The following TMEM271 variants were observed in gnomAD, a reference collection of about 807,000 sequenced individuals.
TMEM271 encodes the protein transmembrane protein 271.
chr4:574,911 G>A lies in TMEM271; in HGVS notation c.1152C>T (p.Ala384=), dbSNP rs1197064179. The A allele has an allele frequency of 2.5e-6, 1 of 396,528 alleles. No individual in the cohort carries two copies. The highest frequency in any genetic ancestry group is 4.5e-6 in the Non-Finnish European group (1 of 224,714). 24.6% of individuals were successfully genotyped at this position (396,528 alleles called of 1,614,324 possible). Reference sequence around the variant, plus strand: ...GGGGGTCCGGCCCGCGGGATCAGCAGGCCCGATGGGTCTCCCAGGGCCGCG... The same window carrying A: ...GGGGGTCCGGCCCGCGGGATCAGCAAGCCCGATGGGTCTCCCAGGGCCGCG... ...ETPRPWETHR[A]C The change falls in exon 1 of 1, where the codon GCC becomes GCT. Residue 384 remains alanine (A), a synonymous_variant. Transcript: ENST00000610212.
At position 575,289 on chromosome 4, in the gene TMEM271, G is replaced by T. The variant is rs1163483942; in HGVS notation, c.774C>A (p.Gly258=). Residue 258 remains glycine (G), a synonymous_variant, in exon 1 of 1, where the codon GGC becomes GGA. Transcript: ENST00000610212. The part of the protein sequence containing the change: ...RRGRRGRRRG[G]RALARPRGGS... ...CGCCGCGGGGCCGCGCCAGGGCCCG[G>T]CCTCCCCTCCGCCTGCCGCGCCGAC... 2.1e-5 allele frequency: 4 copies of T among 193,070 alleles called. No homozygotes were observed. In the East Asian group the frequency reaches 4.4e-4, roughly 21 times the overall value. 12.0% of individuals were successfully genotyped at this position (193,070 alleles called of 1,614,324 possible).
In TMEM271 at chr4:575,134, G is replaced by A. The variant is rs1410557702; in HGVS notation, c.929C>T (p.Ala310Val). ...ILSPEESDLA[A>V]PGDCAGFAAH... Reference sequence around the variant, plus strand: ...CGCGAAGCCCGCGCAGTCCCCGGGGGCGGCCAGGTCCGACTCCTCCGGGGA... The same window carrying A: ...CGCGAAGCCCGCGCAGTCCCCGGGGACGGCCAGGTCCGACTCCTCCGGGGA... The change falls in exon 1 of 1, where the codon GCC becomes GTC. Residue 310 changes from alanine (A) to valine (V), a missense_variant. Coordinates refer to ENST00000610212, the MANE Select transcript of TMEM271 (RefSeq NM_001362796.2). 5 of 394,572 alleles carry A rather than the reference G, an allele frequency of 1.3e-5. No individual in the cohort carries two copies. The highest frequency in any genetic ancestry group is 6.2e-5 in the African/African-American group (3 of 48,378). 24.4% of individuals were successfully genotyped at this position (394,572 alleles called of 1,614,324 possible).
Position 575,999 on chromosome 4 carries a change from G to A in TMEM271, c.64C>T (p.Leu22Phe). ...LSSCLLLACA[L>F]SAAAVGLKCF... ...TTGAGGCCGACGGCGGCGGCGCTGA[G>A]CGCGCAGGCGAGCAGGAGGCAGGAG... is the stretch of plus-strand genomic sequence containing the variant. Residue 22 changes from leucine to phenylalanine, a missense_variant, in exon 1 of 1, where the codon CTC becomes TTC. Transcript: ENST00000610212. 2 of 362,606 alleles carry A rather than the reference G, an allele frequency of 5.5e-6. No individual in the cohort carries two copies. Among genetic ancestry groups the A allele is most frequent in the Non-Finnish European group, 9.9e-6 (2 of 203,010 alleles). 22.5% of individuals were successfully genotyped at this position (362,606 alleles called of 1,614,324 possible). A position where few individuals can be genotyped will look rare whatever the true frequency, so the allele number is the denominator to read the frequency against.
In TMEM271 at chr4:574,358, T is replaced by C. The variant is rs771627192; in HGVS notation, c.*547A>G. On this transcript the variant is annotated 3_prime_UTR_variant, in exon 1 of 1. Transcript: ENST00000610212. ...TAAATTGCAATAAATTTACCAAACATTTTCACTATTTATGGAGAGCTTTAC... is the reference window on the plus strand; with the variant it reads ...TAAATTGCAATAAATTTACCAAACACTTTCACTATTTATGGAGAGCTTTAC... The C allele has an allele frequency of 1.3e-5, 2 of 152,290 alleles. No individual in the cohort carries two copies. The highest frequency in any genetic ancestry group is 2.9e-5 in the Non-Finnish European group (2 of 68,076). The allele number at this position is 152,290 out of a possible 1,614,324, so 9.4% of individuals were successfully genotyped here.
chr4:574,614 C>G lies in TMEM271; in HGVS notation c.*291G>C. On this transcript the variant is annotated 3_prime_UTR_variant, in exon 1 of 1. Coordinates refer to ENST00000610212, the MANE Select transcript of TMEM271 (RefSeq NM_001362796.2). ...AAAGTGCAGTCGGGCTAGCCAAGCC[C>G]AAACATTTATTGTAAACTTGAAAAT... The G allele has an allele frequency of 3.3e-6, 1 of 306,362 alleles. No homozygotes were observed. The highest frequency in any genetic ancestry group is 6.0e-6 in the Non-Finnish European group (1 of 167,520). 19.0% of individuals were successfully genotyped at this position (306,362 alleles called of 1,614,324 possible).
At position 576,045 on chromosome 4, in the gene TMEM271, G is replaced by A; in HGVS notation, c.18C>T (p.Arg6=). Residue 6 remains arginine (R), a synonymous_variant, in exon 1 of 1, where the codon CGC becomes CGT. Coordinates refer to ENST00000610212, the MANE Select transcript of TMEM271 (RefSeq NM_001362796.2). MKWSV[R]GACAALSSCL... is the part of the protein sequence containing the mutation. ...AGGAGGAGAGCGCGGCGCAGGCCCC[G>A]CGGACGCTCCACTTCATCCTCCGCG... 3.0e-6 allele frequency: 1 copy of A among 336,060 alleles called. No individual in the cohort carries two copies. The highest frequency in any genetic ancestry group is 4.9e-5 in the Admixed American group (1 of 20,342). The allele number at this position is 336,060 out of a possible 1,614,324, so 20.8% of individuals were successfully genotyped here.
At position 574,665 on chromosome 4, in the gene TMEM271, T is replaced by C. The variant is rs984390712; in HGVS notation, c.*240A>G. ...GGAATCCAGATATGAACGACACAAATAAGAAGAGAAACCTCCCAGATACAG... is the reference window on the plus strand; with the variant it reads ...GGAATCCAGATATGAACGACACAAACAAGAAGAGAAACCTCCCAGATACAG... On this transcript the variant is annotated 3_prime_UTR_variant, in exon 1 of 1. Coordinates refer to ENST00000610212, the MANE Select transcript of TMEM271 (RefSeq NM_001362796.2). The C allele has an allele frequency of 1.0e-5, 4 of 381,884 alleles. No individual in the cohort carries two copies. The highest frequency in any genetic ancestry group is 1.9e-5 in the Non-Finnish European group (4 of 215,918). The allele number at this position is 381,884 out of a possible 1,614,324, so 23.7% of individuals were successfully genotyped here.
rs961675284 is a variant in TMEM271 at position 575,057 on chromosome 4, C to T, written c.1006G>A (p.Glu336Lys). Residue 336 changes from glutamate to lysine, a missense_variant, in exon 1 of 1, where the codon GAG becomes AAG. By Grantham distance (56) the Glu-to-Lys change is moderately conservative. Transcript: ENST00000610212. ...CCGCAGCGCACCTCCGCGCCCGCCT[C>T]GTCCAGCGCGTGGAGGACGCCTACG... Reference protein sequence around the residue: ...INVGVLHALDEAGAEVRCGGH... With the variant: ...INVGVLHALDKAGAEVRCGGH... 1 of 397,114 alleles carries T rather than the reference C, an allele frequency of 2.5e-6. No individual in the cohort carries two copies. The highest frequency in any genetic ancestry group is 4.4e-6 in the Non-Finnish European group (1 of 225,062). 24.6% of individuals were successfully genotyped at this position (397,114 alleles called of 1,614,324 possible). A position where few individuals can be genotyped will look rare whatever the true frequency, so the allele number is the denominator to read the frequency against.
Position 576,247 on chromosome 4 carries a change from GCCGCCGCCGCCGCCGCGACC to G in TMEM271, c.-205_-186del, listed in dbSNP as rs1048396517. The G allele has an allele frequency of 3.3e-5, 5 of 150,780 alleles. No individual in the cohort carries two copies. Among genetic ancestry groups the G allele is most frequent in the African/African-American group, 1.3e-4 (5 of 39,608 alleles). 9.3% of individuals were successfully genotyped at this position (150,780 alleles called of 1,614,324 possible). A position where few individuals can be genotyped will look rare whatever the true frequency, so the allele number is the denominator to read the frequency against. On this transcript the variant is annotated 5_prime_UTR_variant, in exon 1 of 1. Transcript: ENST00000610212. The stretch of plus-strand genomic sequence containing the variant: ...TCCTCCGCCTCCCGCCGCCGCCGCC[GCCGCCGCCGCCGCCGCGACC>G]CCGCGCCGGGAACCGATGCGGCGCA...
At position 574,935 on chromosome 4, in the gene TMEM271, C is replaced by T. The variant is rs1005949761; in HGVS notation, c.1128G>A (p.Pro376=). 7.1e-4 allele frequency: 283 copies of T among 396,698 alleles called. No homozygotes were observed. The highest frequency in any genetic ancestry group is 1.8e-3 in the Admixed American group (40 of 22,644). 24.6% of individuals were successfully genotyped at this position (396,698 alleles called of 1,614,324 possible). A position where few individuals can be genotyped will look rare whatever the true frequency, so the allele number is the denominator to read the frequency against. Residue 376 remains proline (P), a synonymous_variant, in exon 1 of 1, where the codon CCG becomes CCA. Transcript: ENST00000610212. ...AGGCCCGATGGGTCTCCCAGGGCCG[C>T]GGCGTCTCGCAGGGCGGCCGGCAGC... The part of the protein sequence containing the change: ...PYCCRPPCET[P]RPWETHRAC
rs1732405116 is a variant in TMEM271, at chr4:575,005, C to G, written c.1058G>C (p.Gly353Ala). Residue 353 changes from glycine (G) to alanine (A), a missense_variant, in exon 1 of 1, where the codon GGG (glycine) becomes GCG (alanine). By Grantham distance (60) the Gly-to-Ala change is moderately conservative. Coordinates refer to ENST00000610212, the MANE Select transcript of TMEM271 (RefSeq NM_001362796.2). ...CGGHPSVELP[G>A]YAPSDPDLNA... ...GAGGTCGGGGTCCGAGGGCGCGTAC[C>G]CCGGCAGCTCCACCGACGGGTGCCC... The G allele has an allele frequency of 2.5e-6, 1 of 397,064 alleles. No homozygotes were observed. The highest frequency in any genetic ancestry group is 2.1e-5 in the African/African-American group (1 of 48,550). The allele number at this position is 397,064 out of a possible 1,614,324, so 24.6% of individuals were successfully genotyped here.
In TMEM271 at chr4:575,730, G is replaced by T; in HGVS notation, c.333C>A (p.Ala111=). The change falls in exon 1 of 1, where the codon GCC becomes GCA. Residue 111 remains alanine (A), a synonymous_variant. Coordinates refer to ENST00000610212, the MANE Select transcript of TMEM271 (RefSeq NM_001362796.2). ...GGTTCTGGCTGCTCACCGGCCCCGG[G>T]GCCCCGGCCGCGGCCCCCGACTCGC... ...TPGESGAAAG[A]PGPVSSQNLL... 1 of 356,296 alleles carries T rather than the reference G, an allele frequency of 2.8e-6. No individual in the cohort carries two copies. The highest frequency in any genetic ancestry group is 5.0e-6 in the Non-Finnish European group (1 of 198,580). The allele number at this position is 356,296 out of a possible 1,614,324, so 22.1% of individuals were successfully genotyped here.
Position 574,951 on chromosome 4 carries a change from G to T in TMEM271, c.1112C>A (p.Pro371Gln). The T allele has an allele frequency of 2.5e-6, 1 of 397,014 alleles. No homozygotes were observed. Among genetic ancestry groups the T allele is most frequent in the Non-Finnish European group, 4.4e-6 (1 of 224,988 alleles). The allele number at this position is 397,014 out of a possible 1,614,324, so 24.6% of individuals were successfully genotyped here. ...CCAGGGCCGCGGCGTCTCGCAGGGC[G>T]GCCGGCAGCAGTAGGGGTAGGAGGC... ...LNASYPYCCRPPCETPRPWET... is the reference protein window; with the variant it reads ...LNASYPYCCRQPCETPRPWET... The change falls in exon 1 of 1, where the codon CCG (proline) becomes CAG (glutamine). Residue 371 changes from proline to glutamine, a missense_variant. Physicochemically the swap from Pro to Gln is moderately conservative, Grantham distance 76. Transcript: ENST00000610212.
chr4:575,794 A>C lies in TMEM271; in HGVS notation c.269T>G (p.Val90Gly). The change falls in exon 1 of 1, where the codon GTC becomes GGC. Residue 90 changes from valine (V) to glycine (G), a missense_variant. Val to Gly is a moderately radical substitution (Grantham distance 109, BLOSUM62 -3). Transcript: ENST00000610212. ...GGGAGCGCCTGCCGGCGCCGCGGGG[A>C]CCCCCAAACCCGGGCCCGGTTCCGA... ...AGSEPGPGLG[V>G]PAAPAGAPEA... 1 of 359,374 alleles carries C rather than the reference A, an allele frequency of 2.8e-6. No homozygotes were observed. Among genetic ancestry groups the C allele is most frequent in the Non-Finnish European group, 5.0e-6 (1 of 201,966 alleles). The allele number at this position is 359,374 out of a possible 1,614,324, so 22.3% of individuals were successfully genotyped here. A position where few individuals can be genotyped will look rare whatever the true frequency, so the allele number is the denominator to read the frequency against.
Position 575,141 on chromosome 4 carries a change from G to C in TMEM271, c.922C>G (p.Leu308Val), listed in dbSNP as rs1179421501. 1 of 393,878 alleles carries C rather than the reference G, an allele frequency of 2.5e-6. No homozygotes were observed. Among genetic ancestry groups the C allele is most frequent in the African/African-American group, 2.1e-5 (1 of 48,216 alleles). 24.4% of individuals were successfully genotyped at this position (393,878 alleles called of 1,614,324 possible). A position where few individuals can be genotyped will look rare whatever the true frequency, so the allele number is the denominator to read the frequency against. ...CCCGCGCAGTCCCCGGGGGCGGCCA[G>C]GTCCGACTCCTCCGGGGACAGGATG... is the stretch of plus-strand genomic sequence containing the variant. ...ASILSPEESDLAAPGDCAGFA... is the reference protein window; with the variant it reads ...ASILSPEESDVAAPGDCAGFA... The change falls in exon 1 of 1, where the codon CTG (leucine) becomes GTG (valine). Residue 308 changes from leucine (L) to valine (V), a missense_variant. Leu to Val is a conservative substitution (Grantham distance 32). Coordinates refer to ENST00000610212, the MANE Select transcript of TMEM271 (RefSeq NM_001362796.2).
Position 575,856 on chromosome 4 carries a change from C to A in TMEM271, c.207G>T (p.Leu69=), listed in dbSNP as rs1469663854. 1.9e-5 allele frequency: 7 copies of A among 368,400 alleles called. No individual in the cohort carries two copies. The highest frequency in any genetic ancestry group is 2.1e-5 in the African/African-American group (1 of 47,040). 22.8% of individuals were successfully genotyped at this position (368,400 alleles called of 1,614,324 possible). Residue 69 remains leucine (L), a synonymous_variant, in exon 1 of 1, where the codon CTG becomes CTT. Transcript: ENST00000610212. ...AAGLSLLGAA[L]LCCGPRDAPL... is the part of the protein sequence containing the mutation. ...GCGCGTCCCGGGGTCCGCAGCAGAG[C>A]AGGGCGGCGCCGAGCAGTGAGAGGC...
chr4:575,623 G>A lies in TMEM271; in HGVS notation c.440C>T (p.Ser147Phe), dbSNP rs1732420758. The A allele has an allele frequency of 2.8e-6, 1 of 360,596 alleles. No homozygotes were observed. Among genetic ancestry groups the A allele is most frequent in the Non-Finnish European group, 5.0e-6 (1 of 201,314 alleles). 22.3% of individuals were successfully genotyped at this position (360,596 alleles called of 1,614,324 possible). Reference protein sequence around the residue: ...AGAVIDGDTVSLVERKYSHYC... With the variant: ...AGAVIDGDTVFLVERKYSHYC... ...GTGCGAGTACTTGCGCTCCACCAGG[G>A]ACACGGTGTCGCCGTCGATCACGGC... Residue 147 changes from serine (S) to phenylalanine (F), a missense_variant, in exon 1 of 1, where the codon TCC becomes TTC. Coordinates refer to ENST00000610212, the MANE Select transcript of TMEM271 (RefSeq NM_001362796.2).
rs1732395891 is a variant in TMEM271, at chr4:574,546, G to A, written c.*359C>T. On this transcript the variant is annotated 3_prime_UTR_variant, in exon 1 of 1. Transcript: ENST00000610212. ...GCGCTCGCTCTGTCCCCCTCGCCTC[G>A]GACCACCAGGCAGAGCAGCCCCAGG... The A allele has an allele frequency of 1.0e-5, 2 of 191,148 alleles. No homozygotes were observed. The highest frequency in any genetic ancestry group is 2.1e-5 in the Non-Finnish European group (2 of 94,268). The allele number at this position is 191,148 out of a possible 1,614,324, so 11.8% of individuals were successfully genotyped here. A position where few individuals can be genotyped will look rare whatever the true frequency, so the allele number is the denominator to read the frequency against.
Position 574,213 on chromosome 4 carries a change from T to C in TMEM271, c.*692A>G, listed in dbSNP as rs533448720. On this transcript the variant is annotated 3_prime_UTR_variant, in exon 1 of 1. Coordinates refer to ENST00000610212, the MANE Select transcript of TMEM271 (RefSeq NM_001362796.2). ...TACAACTGTTCAAACTCAACATTTG[T>C]CCGACCAAATGAAACCATTTCCCCC... The C allele has an allele frequency of 2.6e-5, 4 of 152,356 alleles. No homozygotes were observed. The highest frequency in any genetic ancestry group is 9.6e-5 in the African/African-American group (4 of 41,580). 9.4% of individuals were successfully genotyped at this position (152,356 alleles called of 1,614,324 possible). A position where few individuals can be genotyped will look rare whatever the true frequency, so the allele number is the denominator to read the frequency against.
Sources: allele counts gnomAD v4.1 joint callset, GRCh38; gene constraint gnomAD v4.1.1; transcripts MANE v1.5; gene names NCBI Gene and HGNC (gene_info 2026-07-23, HGNC 2026-07-21).